Variants in ARFGEF1 observed in about 807,000 individuals in gnomAD.
The protein encoded by ARFGEF1 is ARF guanine nucleotide exchange factor 1, also known as brefeldin A-inhibited guanine nucleotide-exchange protein 1.
ARFGEF1 carries 42 observed loss-of-function variants against 231.0 expected under a neutral mutation model. The ratio of observed to expected loss-of-function variants is 0.18; its 90% CI spans 0.14 to 0.24. The LOEUF is 0.24. ARFGEF1 is among the 10% of genes least tolerant of loss of function. ARFGEF1 has a pLI of 1.00. For missense variants in ARFGEF1, 1,345 were observed against 2,192.0 expected, an observed-to-expected ratio of 0.61 and a Z score of 7.72; for synonymous variants, 710 against 732.3, an observed-to-expected ratio of 0.97 and a Z score of 0.49.
chr8:67,201,444 T>C (rs540416884), intron 37 of ARFGEF1, 23 bp downstream of exon 37: 3 of 1,596,392 alleles, frequency 1.9e-6, no homozygotes, highest in South Asian at 1.1e-5. Flanking sequence ...TGGTCAGAGA[T>C]GGAAATCAGT....
rs556094087 is a variant in ARFGEF1, at chr8:67,331,392, A to G, written c.124+11772T>C. Among the ~76,000 whole-genome samples the G allele has an allele frequency of 2.6e-5, 4 of 152,306 alleles. 1 individual carries two copies. The South Asian group carries it at 8.3e-4, about 32-fold the overall frequency. On this transcript the variant is annotated intron_variant, in intron 1 of 38. Transcript: ENST00000262215. ...GGGTGGAGCGCTCATGAATGGAATT[A>G]GTGCCCTTATAAAAGAGGTGTATTT...
intron 1 of ARFGEF1, among the ~76,000 whole-genome samples, chr8:67,323,862 G>A (rs1284964764): frequency 6.6e-6 from 1 of 151,460 alleles, no homozygotes; most frequent in Non-Finnish European, 1.5e-5. Context: ...GTGCAGTGGT[G>A]CCATCACCGC....
intron 1 of ARFGEF1, among the ~76,000 whole-genome samples, chr8:67,334,767 C>A (rs1808265954): frequency 6.6e-6 from 1 of 152,084 alleles, no homozygotes; most frequent in Non-Finnish European, 1.5e-5. Flanking sequence ...CATGAATGAA[C>A]CTCAAAAACA....
At position 67,252,522 on chromosome 8, in the gene ARFGEF1, C is replaced by G. The variant is rs78115408; in HGVS notation, c.2698+929G>C. Among the ~76,000 whole-genome samples, 1,246 of 152,182 alleles carry G rather than the reference C, an allele frequency of 8.2e-3. 13 individuals carry two copies. Among genetic ancestry groups the G allele is most frequent in the African/African-American group, 0.029 (1,191 of 41,512 alleles). On this transcript the variant is annotated intron_variant, in intron 18 of 38. Coordinates refer to ENST00000262215, the MANE Select transcript of ARFGEF1 (RefSeq NM_006421.5). ...ATGATACAATATATAATATTCTTTT[C>G]TCCTGCCATTTGGATTTTACTACTG...
At chr8:67,316,992 A>G (rs146306458) in intron 1 of ARFGEF1, among the ~76,000 whole-genome samples, 1 of 152,310 alleles carries the variant, frequency 6.6e-6, no homozygotes, top group East Asian at 1.9e-4. Context: ...GTTCAGATTC[A>G]ATCATGTGAC....
At chr8:67,318,537 T>A (rs1157719327) in intron 1 of ARFGEF1, among the ~76,000 whole-genome samples, 2 of 152,170 alleles carry the variant, frequency 1.3e-5, no homozygotes, top group African/African-American at 4.8e-5. Flanking sequence ...ATTACATGAT[T>A]ATTTAAGTAA....
chr8:67,195,561 ACTTGGCAGGGC>A (rs1361878544), downstream of ARFGEF1: 3 of 1,614,014 alleles, frequency 1.9e-6, no homozygotes, highest in African/African-American at 2.7e-5. Context: ...AGGCACTTTC[ACTTGGCAGGGC>A]CTGTCGACTG....
intron 26 of ARFGEF1, 59 bp from the exon 27 acceptor site, chr8:67,227,368 C>A (rs934411406): frequency 6.3e-7 from 1 of 1,595,798 alleles, no homozygotes; most frequent in African/African-American, 1.3e-5. Flanking sequence ...TCAGTTTTTC[C>A]CCCTTTCTTC....
intron 4 of ARFGEF1, among the ~76,000 whole-genome samples, chr8:67,299,005 A>AGTG (rs1806361831): frequency 6.6e-6 from 1 of 152,104 alleles, no homozygotes; most frequent in Non-Finnish European, 1.5e-5. Context: ...GCTGCTCTCA[A>AGTG]ACTCCTGACC....
At chr8:67,187,015 A>ATCTATCTATCT (rs1554622825) in intron 5 of ARFGEF1, among the ~76,000 whole-genome samples, 1 of 142,976 alleles carries the variant, frequency 7.0e-6, no homozygotes, top group African/African-American at 2.6e-5. Context: ...CTATCTATCT[A>ATCTATCTATCT]ATCTATCTAT....
intron 1 of ARFGEF1, among the ~76,000 whole-genome samples, chr8:67,321,029 G>T (rs903891335): frequency 6.6e-6 from 1 of 152,078 alleles, no homozygotes; most frequent in African/African-American, 2.4e-5. Context: ...CTAAATGCAT[G>T]CTGAGTGAAA....
At chr8:67,209,150 G>A (rs774534575) in intron 34 of ARFGEF1, among the ~76,000 whole-genome samples, 1 of 152,214 alleles carries the variant, frequency 6.6e-6, no homozygotes, top group Non-Finnish European at 1.5e-5. Flanking sequence ...ACAGTTTGTA[G>A]CAGAACTATT....
At chr8:67,209,247 T>C (rs546403438) in intron 34 of ARFGEF1, among the ~76,000 whole-genome samples, 1 of 145,678 alleles carries the variant, frequency 6.9e-6, no homozygotes, top group South Asian at 2.2e-4. Context: ...CAGTGGACTA[T>C]TAGTAATAAA....
intron 1 of ARFGEF1, among the ~76,000 whole-genome samples, chr8:67,302,677 T>C (rs1398286007): frequency 6.6e-6 from 1 of 152,146 alleles, no homozygotes; most frequent in Non-Finnish European, 1.5e-5. Flanking sequence ...TTAACAAACA[T>C]AAGGATAGGT....
intron 21 of ARFGEF1, 34 bp from the exon 22 acceptor site, chr8:67,238,527 C>T (rs368590099): frequency 3.2e-5 from 51 of 1,573,174 alleles, no homozygotes; most frequent in Non-Finnish European, 4.3e-5. Flanking sequence ...TGTTAAATTC[C>T]ATGTTAAAAA....
intron 34 of ARFGEF1, among the ~76,000 whole-genome samples, chr8:67,210,925 C>T (rs1239298849): frequency 6.7e-6 from 1 of 150,232 alleles, no homozygotes; most frequent in South Asian, 2.1e-4. Flanking sequence ...TGATGGTGGG[C>T]ACCTGTAATC....
At position 67,343,244 on chromosome 8, in the gene ARFGEF1, G is replaced by C. The variant is rs1347297540; in HGVS notation, c.44C>G (p.Ala15Gly). 6.2e-7 allele frequency: 1 copy of C among 1,613,942 alleles called. No homozygotes were observed. The highest frequency in any genetic ancestry group is 2.2e-5 in the East Asian group (1 of 44,858). ...CTTGTCGGCCAATATCTTCTCCAGA[G>C]CCCGGGTCAGGAACATGTTCTTCGT... Reference protein sequence around the residue: ...KKTKNMFLTRALEKILADKEV... With the variant: ...KKTKNMFLTRGLEKILADKEV... Residue 15 changes from alanine to glycine, a missense_variant, in exon 1 of 39, where the codon GCT (alanine) becomes GGT (glycine). Ala to Gly is a moderately conservative substitution (Grantham distance 60, BLOSUM62 0). This residue lies in a region of ARFGEF1 where 398 missense variants were observed against 463.2 expected (regional missense o/e 0.86). Transcript: ENST00000262215.
In ARFGEF1 at chr8:67,271,746, T is replaced by C; in HGVS notation, c.1528A>G (p.Thr510Ala). Residue 510 changes from threonine to alanine, a missense_variant, in exon 10 of 39, where the codon ACT becomes GCT. Thr to Ala is a moderately conservative substitution (Grantham distance 58). Around this residue, in one of 14 missense-constraint regions of ARFGEF1, gnomAD observed 141 missense variants for 259.9 expected, o/e 0.54. Coordinates refer to ENST00000262215, the MANE Select transcript of ARFGEF1 (RefSeq NM_006421.5). ...TGTGTCTTGAAATTTGACAACAAAGTAAGAAATATAGAAAGAGAAAGCTCA... is the reference window on the plus strand; with the variant it reads ...TGTGTCTTGAAATTTGACAACAAAGCAAGAAATATAGAAAGAGAAAGCTCA... Reference protein sequence around the residue: ...VFELSLSIFLTLLSNFKTHLK... With the variant: ...VFELSLSIFLALLSNFKTHLK... 2 of 1,613,380 alleles carry C rather than the reference T, an allele frequency of 1.2e-6. No individual in the cohort carries two copies. Among genetic ancestry groups the C allele is most frequent in the Non-Finnish European group, 1.7e-6 (2 of 1,179,760 alleles).
chr8:67,266,267 G>A lies in ARFGEF1; in HGVS notation c.1922-60C>T, dbSNP rs1804846439. On this transcript the variant is annotated intron_variant, in intron 13 of 38. Coordinates refer to ENST00000262215, the MANE Select transcript of ARFGEF1 (RefSeq NM_006421.5). ...TATCAAAGAAAAAAAAAAGTGTAAG[G>A]GCAAACAAATTCTTGAATAAGGCAA... 4 of 1,399,976 alleles carry A rather than the reference G, an allele frequency of 2.9e-6. No individual in the cohort carries two copies. In the South Asian group the frequency reaches 3.8e-5, roughly 13 times the overall value. The allele number at this position is 1,399,976 out of a possible 1,614,324, so 86.7% of individuals were successfully genotyped here.
Sources: gnomAD v4.1 joint callset for allele counts (sites outside exome capture counted in the v4.1 genomes callset) on GRCh38, gnomAD v4.1.1 for gene constraint, gnomAD v4.1.1 regional missense constraint, MANE v1.5 for transcripts, NCBI Gene and HGNC (gene_info 2026-07-23, HGNC 2026-07-21) for gene names.